ATP2B2: variants seen among roughly 807,000 people sequenced by gnomAD.
ATP2B2 encodes the protein plasma membrane calcium-transporting ATPase 2.
In ATP2B2, 15 loss-of-function variants were observed where a neutral mutation model predicts 120.0. That is an observed-to-expected ratio of 0.12 (90% CI 0.08 to 0.19). The LOEUF is 0.19. Among genes scored for constraint, ATP2B2 ranks in the 10% least tolerant of loss-of-function variants. The probability of loss-of-function intolerance (pLI) is 1.00; values close to 1 mark genes in which losing one functional copy is unlikely to be tolerated. For synonymous variants in ATP2B2, 694 were observed against 700.3 expected, an observed-to-expected ratio of 0.99 and a Z score of 0.14; for missense variants, 1,045 against 1,719.8, an observed-to-expected ratio of 0.61 and a Z score of 6.94.
chr3:10,589,790 G>A lies in ATP2B2; in HGVS notation c.-415+30127C>T, dbSNP rs558967356. 2.0e-4 allele frequency among the ~76,000 whole-genome samples: 31 copies of A among 152,312 alleles called. 2 individuals carry two copies. The Middle Eastern group carries it at 0.01, about 50-fold the overall frequency. On this transcript the variant is annotated intron_variant, in intron 2 of 21. Coordinates refer to the ATP2B2 transcript ENST00000646379. ...AACACTGCCAACAATCCCAAGTGTG[G>A]GTGAGGATGTGGAACCACTGGAGCT...
At chr3:10,412,668 C>T (rs1159709138) in intron 2 of ATP2B2, among the ~76,000 whole-genome samples, 2 of 152,294 alleles carry the variant, frequency 1.3e-5, no homozygotes, top group South Asian at 2.1e-4. Flanking sequence ...CTTCCCCAGA[C>T]CCCTGTCCTA....
chr3:10,657,862 G>A (rs2070677497), intron 1 of ATP2B2, among the ~76,000 whole-genome samples: 1 of 152,226 alleles, frequency 6.6e-6, no homozygotes, highest in South Asian at 2.1e-4. Flanking sequence ...GGGGCAGACT[G>A]ACACCTCACA....
At chr3:10,394,386 C>T (rs535109947) in intron 5 of ATP2B2, 12 of 466,706 alleles carry the variant, frequency 2.6e-5, no homozygotes, top group Admixed American at 1.2e-4. Context: ...TAGGTTTTGG[C>T]GCAAGTTCAA....
upstream of ATP2B2, among the ~76,000 whole-genome samples, chr3:10,506,040 G>A (rs368077285): frequency 6.6e-6 from 1 of 152,036 alleles, no homozygotes; most frequent in Non-Finnish European, 1.5e-5. Context: ...GCCCCAAGTC[G>A]TCCCTTGCTT....
intron 8 of ATP2B2, among the ~76,000 whole-genome samples, chr3:10,379,586 G>T (rs1469561653): frequency 6.6e-6 from 1 of 152,146 alleles, no homozygotes; most frequent in Non-Finnish European, 1.5e-5. Flanking sequence ...AGTATCAGAG[G>T]GTGCAGGGGA....
intron 2 of ATP2B2, among the ~76,000 whole-genome samples, chr3:10,440,873 A>G (rs2063640922): frequency 6.6e-6 from 1 of 152,242 alleles, no homozygotes; most frequent in African/African-American, 2.4e-5. Context: ...CCTCATCTGT[A>G]AGCTGGGATG....
At chr3:10,664,587 A>C (rs1214162804) in intron 1 of ATP2B2, among the ~76,000 whole-genome samples, 1 of 152,120 alleles carries the variant, frequency 6.6e-6, no homozygotes. Context: ...ATGGCCCCAC[A>C]AGGTTTGTTG....
At chr3:10,655,850 T>A (rs1304354268) in intron 1 of ATP2B2, among the ~76,000 whole-genome samples, 1 of 152,226 alleles carries the variant, frequency 6.6e-6, no homozygotes, top group Non-Finnish European at 1.5e-5. Flanking sequence ...AACCTGATTT[T>A]AAAAATCTAC....
chr3:10,379,399 G>T, intron 8 of ATP2B2, 115 bp from the exon 9 acceptor site: 1 of 1,182,266 alleles, frequency 8.5e-7, no homozygotes. Flanking sequence ...GGGCCGTGCT[G>T]ACTGCATCCC....
intron 1 of ATP2B2, among the ~76,000 whole-genome samples, chr3:10,486,013 G>A (rs183017427): frequency 1.3e-5 from 2 of 152,300 alleles, no homozygotes; most frequent in East Asian, 1.9e-4. Context: ...GAGGACAGGA[G>A]GCCACAAGTG....
intron 2 of ATP2B2, among the ~76,000 whole-genome samples, chr3:10,576,506 G>T (rs2068250900): frequency 6.6e-6 from 1 of 152,088 alleles, no homozygotes; most frequent in African/African-American, 2.4e-5. Context: ...TGTCTTCTTA[G>T]TAGCTGAAAC....
chr3:10,603,704 G>A (rs1262117659), intron 2 of ATP2B2, among the ~76,000 whole-genome samples: 8 of 152,102 alleles, frequency 5.3e-5, no homozygotes, highest in Non-Finnish European at 1.0e-4. Context: ...CCCAGATCAC[G>A]GGGGTAGGGC....
chr3:10,699,022 C>T (rs977937936), intron 1 of ATP2B2, among the ~76,000 whole-genome samples: 1 of 152,254 alleles, frequency 6.6e-6, no homozygotes, highest in African/African-American at 2.4e-5. Context: ...CCTCCTCCCT[C>T]TCTTCTACTT....
At chr3:10,523,819 C>T (rs181219034) in intron 3 of ATP2B2, among the ~76,000 whole-genome samples, 1 of 150,504 alleles carries the variant, frequency 6.6e-6, no homozygotes, top group East Asian at 2.0e-4. Flanking sequence ...CTCTAGGCCC[C>T]CGTTTCCTCT....
chr3:10,380,587 A>G (rs988297010), intron 8 of ATP2B2, among the ~76,000 whole-genome samples: 1 of 152,224 alleles, frequency 6.6e-6, no homozygotes, highest in African/African-American at 2.4e-5. Context: ...CTCAATGGGT[A>G]AATGGAGAGC....
intron 5 of ATP2B2, among the ~76,000 whole-genome samples, chr3:10,396,232 C>T (rs1308106777): frequency 6.6e-6 from 1 of 152,254 alleles, no homozygotes; most frequent in Non-Finnish European, 1.5e-5. Flanking sequence ...GGTTTGTTTG[C>T]AAAGGACAGT....
At chr3:10,371,618 T>G (rs1270549627) in intron 12 of ATP2B2, among the ~76,000 whole-genome samples, 191 bp downstream of exon 12, 1 of 152,242 alleles carries the variant, frequency 6.6e-6, no homozygotes, top group East Asian at 1.9e-4. Flanking sequence ...AAGGTTTCTT[T>G]GTCACACAAA....
At chr3:10,371,401 T>C (rs1231040408) in intron 12 of ATP2B2, among the ~76,000 whole-genome samples, 2 of 152,180 alleles carry the variant, frequency 1.3e-5, no homozygotes, top group East Asian at 1.9e-4. Context: ...GGAGGAAGCC[T>C]AGCTGAGACC....
chr3:10,336,088 G>A (rs1000087894), intron 22 of ATP2B2: 39 of 1,543,510 alleles, frequency 2.5e-5, no homozygotes, highest in Admixed American at 7.9e-5. Context: ...GGGAGCTGGC[G>A]TGGGCAGTGC....
Sources: gnomAD v4.1 joint callset for allele counts (sites outside exome capture counted in the v4.1 genomes callset) on GRCh38, gnomAD v4.1.1 for gene constraint, MANE v1.5 for transcripts, NCBI Gene and HGNC (gene_info 2026-07-23, HGNC 2026-07-21) for gene names.